Variants in SDC1 observed in about 807,000 individuals in gnomAD.
The protein encoded by SDC1 is syndecan-1.
A neutral mutation model predicts 29.7 loss-of-function variants in SDC1; 14 were observed. The ratio of observed to expected loss-of-function variants is 0.47; its 90% CI spans 0.31 to 0.74. SDC1 has a LOEUF of 0.74. SDC1 is among the 30% of genes least tolerant of loss of function. SDC1 has a pLI of 0.05. For synonymous variants in SDC1, 204 were observed against 175.5 expected (o/e 1.16, Z -1.29); for missense variants, 406 against 400.3 (o/e 1.01, Z -0.12).
Position 20,224,084 on chromosome 2 carries a change from C to A in SDC1, c.66+718G>T, listed in dbSNP as rs548925555. The A allele has an allele frequency of 5.7e-6, 2 of 349,486 alleles. No homozygotes were observed. The highest frequency in any genetic ancestry group is 2.2e-5 in the African/African-American group (1 of 44,484). The allele number at this position is 349,486 out of a possible 1,614,324, so 21.6% of individuals were successfully genotyped here. A position where few individuals can be genotyped will look rare whatever the true frequency, so the allele number is the denominator to read the frequency against. On this transcript the variant is annotated intron_variant, in intron 1 of 4. Transcript: ENST00000254351. The surrounding 1 kb of genome is among the most constrained non-coding windows in gnomAD (Gnocchi z 4.9). ...CGTGCCCGGCACGGGAACGCGCCCTCCGGGGCCAGCTCAACTTCAGCAGCC... is the reference window on the plus strand; with the variant it reads ...CGTGCCCGGCACGGGAACGCGCCCTACGGGGCCAGCTCAACTTCAGCAGCC...
intron 1 of SDC1, among the ~76,000 whole-genome samples, chr2:20,221,438 C>T (rs557158314): frequency 6.6e-6 from 1 of 152,278 alleles, no homozygotes; most frequent in East Asian, 1.9e-4. Flanking sequence ...CTCTTCAGAG[C>T]ACAGTAAATC....
intron 1 of SDC1, chr2:20,223,514 G>GC: frequency 3.1e-6 from 1 of 326,766 alleles, no homozygotes; most frequent in South Asian, 2.4e-5. Context: ...AAGGGGAAGC[G>GC]CCCCTGGCTC....
At position 20,205,433 on chromosome 2, in the gene SDC1, G is replaced by T. The variant is rs778922219; in HGVS notation, c.67-9C>A. On this transcript the variant is annotated splice_polypyrimidine_tract_variant and intron_variant, in intron 1 of 4. Transcript: ENST00000254351. ...TTAGTAGCCACAATTTGCTGGAAAAGGATCAGAATATGGTATGAGTAAAGG... is the reference window on the plus strand; with the variant it reads ...TTAGTAGCCACAATTTGCTGGAAAATGATCAGAATATGGTATGAGTAAAGG... The T allele has an allele frequency of 6.2e-7, 1 of 1,612,246 alleles. No individual in the cohort carries two copies.
At chr2:20,220,318 A>G (rs1159150463) in intron 1 of SDC1, among the ~76,000 whole-genome samples, 1 of 152,086 alleles carries the variant, frequency 6.6e-6, no homozygotes, top group Non-Finnish European at 1.5e-5. Context: ...CTCAGGGGAG[A>G]CTTGACAGTC....
chr2:20,202,099 A>T lies in SDC1; in HGVS notation c.*667T>A, dbSNP rs1228942000. The T allele has an allele frequency of 1.9e-4, 14 of 74,136 alleles. No homozygotes were observed. Among genetic ancestry groups the T allele is most frequent in the South Asian group, 3.6e-4 (1 of 2,760 alleles). The allele number at this position is 74,136 out of a possible 1,614,324, so 4.6% of individuals were successfully genotyped here. On this transcript the variant is annotated 3_prime_UTR_variant, in exon 5 of 5. Transcript: ENST00000254351. ...TTCCAGATTTGGTTCTCCTAGTTTA[A>T]AAAAAAAAAAAAAAAGTCTTCTTAA... is the stretch of plus-strand genomic sequence containing the variant.
In SDC1 at chr2:20,225,077, C is replaced by G. The variant is rs1310261490; in HGVS notation, c.-210G>C. Reference sequence around the variant, plus strand: ...CGGATTCGGCCCGCACCTCTCCCGCCGAGCTCCGCCTTATAATAAACCCAC... The same window carrying G: ...CGGATTCGGCCCGCACCTCTCCCGCGGAGCTCCGCCTTATAATAAACCCAC... On this transcript the variant is annotated 5_prime_UTR_variant, in exon 1 of 5. Transcript: ENST00000254351. 1.0e-5 allele frequency: 5 copies of G among 479,710 alleles called. No individual in the cohort carries two copies. Among genetic ancestry groups the G allele is most frequent in the Non-Finnish European group, 1.2e-5 (4 of 321,914 alleles). 29.7% of individuals were successfully genotyped at this position (479,710 alleles called of 1,614,324 possible).
intron 1 of SDC1, among the ~76,000 whole-genome samples, chr2:20,208,509 A>T (rs1558433766): frequency 6.6e-6 from 1 of 152,200 alleles, no homozygotes. Flanking sequence ...AGCCCCTCAG[A>T]TGAGAAGGTG....
intron 1 of SDC1, among the ~76,000 whole-genome samples, chr2:20,209,794 G>A (rs72783296): frequency 0.056 from 8,514 of 152,336 alleles, 272 homozygotes; most frequent in Non-Finnish European, 0.068. Flanking sequence ...GGGCAGCTGC[G>A]CTGCAGCTCC....
Position 20,202,127 on chromosome 2 carries a change from C to T in SDC1, c.*639G>A. The T allele has an allele frequency of 1.8e-6, 1 of 564,320 alleles. No homozygotes were observed. Among genetic ancestry groups the T allele is most frequent in the East Asian group, 3.1e-5 (1 of 32,028 alleles). 35.0% of individuals were successfully genotyped at this position (564,320 alleles called of 1,614,324 possible). On this transcript the variant is annotated 3_prime_UTR_variant, in exon 5 of 5. Transcript: ENST00000254351. ...AAAAAAAAAAAAAGTCTTCTTAACC[C>T]TGATGCTGTCTCCCGACCATAGATT...
In SDC1 at chr2:20,207,890, G is replaced by A. The variant is rs554077489; in HGVS notation, c.67-2466C>T. 12 of 931,856 alleles carry A rather than the reference G, an allele frequency of 1.3e-5. No individual in the cohort carries two copies. The South Asian group carries it at 2.5e-4, about 19-fold the overall frequency. The allele number at this position is 931,856 out of a possible 1,614,324, so 57.7% of individuals were successfully genotyped here. Reference sequence around the variant, plus strand: ...TCATCATCAAAGAATACTGCCCACCGGGGGATCACAGAGTGGGCACCCCCA... The same window carrying A: ...TCATCATCAAAGAATACTGCCCACCAGGGGATCACAGAGTGGGCACCCCCA... On this transcript the variant is annotated intron_variant, in intron 1 of 4. Coordinates refer to ENST00000254351, the MANE Select transcript of SDC1 (RefSeq NM_002997.5).
At chr2:20,209,278 C>T (rs992747554) in intron 1 of SDC1, among the ~76,000 whole-genome samples, 2 of 152,226 alleles carry the variant, frequency 1.3e-5, no homozygotes, top group African/African-American at 4.8e-5. Context: ...ATCACTGTCT[C>T]TAGCAGATAA....
chr2:20,207,317 G>T (rs994423920), intron 1 of SDC1: 41 of 624,498 alleles, frequency 6.6e-5, no homozygotes, highest in Non-Finnish European at 7.8e-5. Flanking sequence ...GAAAGGTTTT[G>T]ACCCTAGAAG....
Position 20,223,297 on chromosome 2 carries a change from C to A in SDC1, c.66+1505G>T, listed in dbSNP as rs751170020. On this transcript the variant is annotated intron_variant, in intron 1 of 4. Transcript: ENST00000254351. ...ACAGACTCTGTAAAGAAAAAAAAAA[C>A]CAAAGCGCTCAATAACTGGCAGCTA... 3.1e-5 allele frequency: 40 copies of A among 1,290,714 alleles called. 1 individual carries two copies. The African/African-American group carries it at 4.1e-4, about 13-fold the overall frequency. 80.0% of individuals were successfully genotyped at this position (1,290,714 alleles called of 1,614,324 possible). A position where few individuals can be genotyped will look rare whatever the true frequency, so the allele number is the denominator to read the frequency against.
Position 20,214,896 on chromosome 2 carries a change from T to C in SDC1, c.67-9472A>G, listed in dbSNP as rs562129528. Among the ~76,000 whole-genome samples, 3 of 152,334 alleles carry C rather than the reference T, an allele frequency of 2.0e-5. No homozygotes were observed. The South Asian group carries it at 6.2e-4, about 32-fold the overall frequency. ...CTGGCAATCAGTTTTTTCCAAGCAC[T>C]TTCTCTGAATTAATTAGTTTGATCT... On this transcript the variant is annotated intron_variant, in intron 1 of 4. Coordinates refer to ENST00000254351, the MANE Select transcript of SDC1 (RefSeq NM_002997.5).
At chr2:20,214,497 A>G (rs3771238) in intron 1 of SDC1, among the ~76,000 whole-genome samples, 44,836 of 152,100 alleles carry the variant, frequency 0.29, 6,938 homozygotes, top group Middle Eastern at 0.38. Flanking sequence ...GATTACTGGC[A>G]GGGCCCCAGG....
At chr2:20,207,858 G>T in intron 1 of SDC1, 1 of 808,842 alleles carries the variant, frequency 1.2e-6, no homozygotes, top group Non-Finnish European at 1.5e-6. Flanking sequence ...CCCTCAACCT[G>T]TCTCCTTCAT....
At chr2:20,219,999 C>T (rs2148296798) in intron 1 of SDC1, among the ~76,000 whole-genome samples, 1 of 152,372 alleles carries the variant, frequency 6.6e-6, no homozygotes, top group South Asian at 2.1e-4. Context: ...AAAGATGGTG[C>T]AAGCTGGGCA....
At chr2:20,214,760 A>C (rs1558436365) in intron 1 of SDC1, among the ~76,000 whole-genome samples, 1 of 152,194 alleles carries the variant, frequency 6.6e-6, no homozygotes, top group Non-Finnish European at 1.5e-5. Flanking sequence ...GAAGAGTCTA[A>C]GCCTCTGATC....
At chr2:20,203,040 C>T (rs1677086235) in intron 4 of SDC1, 47 bp downstream of exon 4, 1 of 1,573,694 alleles carries the variant, frequency 6.4e-7, no homozygotes, top group Non-Finnish European at 8.7e-7. Context: ...CACCCTGACC[C>T]CACAGCAGCA....
Sources: gnomAD v4.1 joint callset for allele counts (sites outside exome capture counted in the v4.1 genomes callset) on GRCh38, gnomAD v4.1.1 for gene constraint, Gnocchi (gnomAD v3.1) non-coding constraint, MANE v1.5 for transcripts, NCBI Gene and HGNC (gene_info 2026-07-23, HGNC 2026-07-21) for gene names.